Variants in RYR2 observed in about 807,000 individuals in gnomAD.
RYR2 encodes cardiac muscle ryanodine receptor-calcium release channel.
In RYR2, 227 loss-of-function variants were observed where a neutral mutation model predicts 601.1. That is an observed-to-expected ratio of 0.38 (90% confidence interval 0.34 to 0.42). The LOEUF is 0.42. RYR2 is among the 10% of genes least tolerant of loss of function. The pLI is 1.00. For missense variants in RYR2, 4,646 were observed against 6,156.5 expected (o/e 0.75, Z 8.21); for synonymous variants, 2,223 against 2,175.1 (o/e 1.02, Z -0.61).
At chr1:237,691,634 A>T (rs1009012596) in intron 63 of RYR2, among the ~76,000 whole-genome samples, 7 of 152,214 alleles carry the variant, frequency 4.6e-5, no homozygotes, top group Non-Finnish European at 1.0e-4. Context: ...AGACATTTAA[A>T]CCATTTTATG....
At chr1:237,189,367 G>A (rs1679717648) in intron 1 of RYR2, among the ~76,000 whole-genome samples, 1 of 152,176 alleles carries the variant, frequency 6.6e-6, no homozygotes, top group African/African-American at 2.4e-5. Context: ...GTGAACACAG[G>A]TGTGCAAATT....
chr1:237,336,426 G>A (rs913973649), intron 3 of RYR2, among the ~76,000 whole-genome samples: 5 of 152,124 alleles, frequency 3.3e-5, no homozygotes, highest in Non-Finnish European at 7.4e-5. Context: ...CTGTAATGAT[G>A]TTTCCTCTTT....
At chr1:237,564,085 A>G (rs1270433048) in intron 27 of RYR2, among the ~76,000 whole-genome samples, 1 of 152,190 alleles carries the variant, frequency 6.6e-6, no homozygotes, top group African/African-American at 2.4e-5. Context: ...CTTCCCTGAA[A>G]ATAATCTCCA....
chr1:237,374,718 A>G lies in RYR2; in HGVS notation c.386A>G (p.Tyr129Cys), dbSNP rs1209334174. 1 of 1,611,320 alleles carries G rather than the reference A, an allele frequency of 6.2e-7. No individual in the cohort carries two copies. The highest frequency in any genetic ancestry group is 8.5e-7 in the Non-Finnish European group (1 of 1,178,508). ...ILLRHSYSGM[Y>C]LCCLSTSRSS... ...AACTACTGATTTTGTACTTTGTAGT[A>G]TCTGTGCTGCCTGTCCACCTCCCGG... The change falls in exon 7 of 105, where the codon TAT becomes TGT. Residue 129 changes from tyrosine (Y) to cysteine (C), a missense_variant and splice_region_variant. Physicochemically the swap from Tyr to Cys is radical, Grantham distance 194. This residue lies in a region of RYR2 where 153 missense variants were observed against 203.6 expected (regional missense o/e 0.75). Transcript: ENST00000366574.
chr1:237,734,805 A>G (rs780646114), intron 79 of RYR2, among the ~76,000 whole-genome samples: 1 of 152,218 alleles, frequency 6.6e-6, no homozygotes, highest in Non-Finnish European at 1.5e-5. Flanking sequence ...CCTGTGAGAC[A>G]TCTAAGTGGA....
intron 1 of RYR2, among the ~76,000 whole-genome samples, chr1:237,127,279 C>T (rs948216216): frequency 2.4e-4 from 37 of 152,078 alleles, no homozygotes; most frequent in Non-Finnish European, 4.0e-4. Flanking sequence ...CATCCTGGCC[C>T]GTTCTCAATG....
At chr1:237,332,891 A>G (rs570817352) in intron 3 of RYR2, among the ~76,000 whole-genome samples, 116 of 150,860 alleles carry the variant, frequency 7.7e-4, no homozygotes, top group Non-Finnish European at 1.2e-3. Context: ...TATATGGCCC[A>G]GGCTGGTCTT....
chr1:237,660,137 G>A (rs1683635988), intron 55 of RYR2, 63 bp downstream of exon 55: 1 of 964,778 alleles, frequency 1.0e-6, no homozygotes, highest in South Asian at 2.8e-5. Flanking sequence ...TGTGTTTTTT[G>A]GTTATATTTT....
In RYR2 at chr1:237,716,644, A is replaced by G. The variant is rs146911789; in HGVS notation, c.10324-554A>G. On this transcript the variant is annotated intron_variant, in intron 71 of 104. Transcript: ENST00000366574. Reference sequence around the variant, plus strand: ...CGTCCTGAATATTTATGAAACTCCAATGAGTATATTACTTCTATTTCTACT... The same window carrying G: ...CGTCCTGAATATTTATGAAACTCCAGTGAGTATATTACTTCTATTTCTACT... Among the ~76,000 whole-genome samples the G allele has an allele frequency of 2.0e-3, 302 of 152,274 alleles. 4 individuals are homozygous for G. Among genetic ancestry groups the G allele is most frequent in the East Asian group, 0.015 (76 of 5,178 alleles).
At chr1:237,419,369 A>T (rs2150040425) in intron 11 of RYR2, among the ~76,000 whole-genome samples, 1 of 151,772 alleles carries the variant, frequency 6.6e-6, no homozygotes, top group Middle Eastern at 3.4e-3. Flanking sequence ...GATACTATTG[A>T]TGAGCTGTGA....
At chr1:237,795,700 C>T (rs1439938860) in intron 96 of RYR2, among the ~76,000 whole-genome samples, 3 of 151,878 alleles carry the variant, frequency 2.0e-5, no homozygotes, top group Non-Finnish European at 4.4e-5. Flanking sequence ...ATCTGCCCGC[C>T]TTGACCTACC....
rs1252973606 is a variant in RYR2, at chr1:237,832,646, A to AAACTC, written c.*1_*5dup. 1.2e-6 allele frequency: 2 copies of AAACTC among 1,603,836 alleles called. No individual in the cohort carries two copies. The highest frequency in any genetic ancestry group is 1.7e-6 in the Non-Finnish European group (2 of 1,171,810). On this transcript the variant is annotated frameshift_variant and stop_retained_variant, in exon 105 of 105. Coordinates refer to ENST00000366574, the MANE Select transcript of RYR2 (RefSeq NM_001035.3). LOFTEE classifies it high-confidence loss of function. ...AAACAGTATGAAGACCAGCTAAATT[A>AAACTC]AACTCAGACCCAATCACCTCTAAAA... is the stretch of plus-strand genomic sequence containing the variant.
intron 1 of RYR2, among the ~76,000 whole-genome samples, chr1:237,172,794 A>G (rs1677566815): frequency 6.6e-6 from 1 of 152,144 alleles, no homozygotes; most frequent in Non-Finnish European, 1.5e-5. Context: ...GAGGTTCCCA[A>G]GGTTCTGGTT....
intron 1 of RYR2, among the ~76,000 whole-genome samples, chr1:237,264,036 A>C (rs1224040044): frequency 6.6e-6 from 1 of 151,996 alleles, no homozygotes; most frequent in Admixed American, 6.6e-5. Context: ...GTTTGTGAGC[A>C]GCAGTCAAGC....
chr1:237,426,648 T>C (rs10458440), intron 12 of RYR2, among the ~76,000 whole-genome samples: 41,067 of 152,128 alleles, frequency 0.27, 6,060 homozygotes, highest in African/African-American at 0.4. Context: ...AAGAAATTGA[T>C]ATCCTTCCAG....
At chr1:237,764,762 G>C (rs12126928) in intron 84 of RYR2, among the ~76,000 whole-genome samples, 10,527 of 152,022 alleles carry the variant, frequency 0.069, 380 homozygotes, top group Non-Finnish European at 0.079. Flanking sequence ...TTGACTTATT[G>C]TTCTTTGTCC....
chr1:237,335,498 C>A (rs537721828), intron 3 of RYR2, among the ~76,000 whole-genome samples: 2 of 152,222 alleles, frequency 1.3e-5, no homozygotes, highest in East Asian at 3.9e-4. Context: ...AAAGGCGTTG[C>A]TTTGGTTTAA....
intron 18 of RYR2, among the ~76,000 whole-genome samples, chr1:237,492,401 G>A (rs1477709409): frequency 6.6e-6 from 1 of 152,206 alleles, no homozygotes; most frequent in African/African-American, 2.4e-5. Flanking sequence ...AACATGAACA[G>A]TTCTCAATTT....
chr1:237,699,030 A>G lies in RYR2; in HGVS notation c.9128+5A>G. 5 of 1,434,836 alleles carry G rather than the reference A, an allele frequency of 3.5e-6. No homozygotes were observed. The highest frequency in any genetic ancestry group is 3.8e-6 in the Non-Finnish European group (4 of 1,041,146). The allele number at this position is 1,434,836 out of a possible 1,614,324, so 88.9% of individuals were successfully genotyped here. ...GGGTCAGACTTTGGATGCAAGGTAA[A>G]TGGATACATTTTTACCTAAATAAAT... On this transcript the variant is annotated splice_donor_5th_base_variant and intron_variant, in intron 64 of 104. Coordinates refer to ENST00000366574, the MANE Select transcript of RYR2 (RefSeq NM_001035.3).
Sources: gnomAD v4.1 joint callset for allele counts (sites outside exome capture counted in the v4.1 genomes callset) on GRCh38, gnomAD v4.1.1 for gene constraint, gnomAD v4.1.1 regional missense constraint, MANE v1.5 for transcripts, NCBI Gene and HGNC (gene_info 2026-07-23, HGNC 2026-07-21) for gene names.